Variants in GABRG3 observed in about 807,000 individuals in gnomAD.
GABRG3 encodes gamma-aminobutyric acid receptor subunit gamma-3.
GABRG3 carries 25 observed loss-of-function variants against 48.8 expected under a neutral mutation model. That is an observed-to-expected ratio of 0.51 (90% confidence interval 0.37 to 0.72). The LOEUF (loss-of-function observed/expected upper bound fraction) is 0.72, where lower values mean the gene tolerates loss of function less well. Among genes scored for constraint, GABRG3 ranks in the 30% least tolerant of loss-of-function variants. The pLI, the probability that GABRG3 is intolerant of heterozygous loss-of-function variation, is 0.00. For missense variants in GABRG3, 394 were observed against 577.9 expected (o/e 0.68, Z 3.26); for synonymous variants, 227 against 217.6 (o/e 1.04, Z -0.38).
intron 5 of GABRG3, among the ~76,000 whole-genome samples, chr15:27,399,861 C>G (rs142616214): frequency 0.014 from 2,166 of 152,282 alleles, 25 homozygotes; most frequent in Non-Finnish European, 0.023. Context: ...AAGTTAAATA[C>G]CCGCATTTTA....
chr15:27,311,455 A>G lies in GABRG3; in HGVS notation c.271-15354A>G, dbSNP rs538495985. ...CTAGCCTGTCTCAGAGTGCTGATGC[A>G]CCTGCATCATCTAGCCACCCACAAG... On this transcript the variant is annotated intron_variant, in intron 3 of 9. Coordinates refer to ENST00000615808, the MANE Select transcript of GABRG3 (RefSeq NM_033223.5). 3.3e-5 allele frequency among the ~76,000 whole-genome samples: 5 copies of G among 152,216 alleles called. No homozygotes were observed. The South Asian group carries it at 8.3e-4, about 25-fold the overall frequency.
intron 5 of GABRG3, among the ~76,000 whole-genome samples, chr15:27,413,447 G>A (rs1045461431): frequency 3.3e-5 from 5 of 152,136 alleles, no homozygotes; most frequent in South Asian, 4.1e-4. Context: ...GGGGGAAAAC[G>A]GTATTTTGAA....
chr15:27,289,106 G>T (rs1891714285), intron 3 of GABRG3, among the ~76,000 whole-genome samples: 1 of 151,976 alleles, frequency 6.6e-6, no homozygotes, highest in African/African-American at 2.4e-5. Flanking sequence ...TTTATCTGTG[G>T]TTTTCACCTG....
chr15:27,214,886 G>A (rs887971452), intron 3 of GABRG3, among the ~76,000 whole-genome samples: 2 of 152,040 alleles, frequency 1.3e-5, no homozygotes, highest in Non-Finnish European at 2.9e-5. Flanking sequence ...TCTGTTCTTC[G>A]AAAAACAAAC....
intron 5 of GABRG3, among the ~76,000 whole-genome samples, chr15:27,454,657 T>C (rs1264217118): frequency 2.0e-5 from 3 of 152,192 alleles, no homozygotes; most frequent in Non-Finnish European, 4.4e-5. Context: ...TTTTGTTTTT[T>C]AGCTATCTGG....
intron 3 of GABRG3, among the ~76,000 whole-genome samples, chr15:27,166,836 TC>T (rs1406488037): frequency 6.6e-6 from 1 of 152,216 alleles, no homozygotes; most frequent in Non-Finnish European, 1.5e-5. Flanking sequence ...AGCACTGAGT[TC>T]CTTAGCACGT....
At chr15:27,108,145 T>A (rs985875958) in intron 3 of GABRG3, among the ~76,000 whole-genome samples, 1 of 152,110 alleles carries the variant, frequency 6.6e-6, no homozygotes, top group Non-Finnish European at 1.5e-5. Flanking sequence ...TTCTCTAAAG[T>A]AGGAGCTTAG....
At chr15:27,282,701 A>G (rs1891475802) in intron 3 of GABRG3, among the ~76,000 whole-genome samples, 4 of 152,068 alleles carry the variant, frequency 2.6e-5, no homozygotes, top group Admixed American at 2.6e-4. Flanking sequence ...GATCATTCTA[A>G]TGTCTTGTCA....
chr15:27,060,604 CGTG>C (rs1196256183), intron 3 of GABRG3, among the ~76,000 whole-genome samples: 2 of 152,096 alleles, frequency 1.3e-5, no homozygotes, highest in African/African-American at 4.8e-5. Context: ...CGTTAAGTGG[CGTG>C]GGGATGATGC....
At chr15:27,139,878 G>GAGAC (rs1257719682) in intron 3 of GABRG3, among the ~76,000 whole-genome samples, 1 of 152,170 alleles carries the variant, frequency 6.6e-6, no homozygotes, top group Non-Finnish European at 1.5e-5. Flanking sequence ...GGAGCAGAAA[G>GAGAC]AGACTGAAGA....
intron 3 of GABRG3, among the ~76,000 whole-genome samples, chr15:27,278,212 C>T (rs188668076): frequency 4.6e-5 from 7 of 151,988 alleles, no homozygotes; most frequent in Admixed American, 2.6e-4. Context: ...CCACCATGCC[C>T]GGCTAATTTT....
rs1319870385 is a variant in GABRG3, at chr15:27,535,902, C to A, written c.*3021C>A. The stretch of plus-strand genomic sequence containing the variant: ...GACTCTCTTTGCCAGGATGCCTGAT[C>A]AGGAGGGACGTGTGTGGGCACGAGG... On this transcript the variant is annotated 3_prime_UTR_variant, in exon 10 of 10. Coordinates refer to ENST00000615808, the MANE Select transcript of GABRG3 (RefSeq NM_033223.5). 2.6e-5 allele frequency: 4 copies of A among 152,358 alleles called. No homozygotes were observed. Among genetic ancestry groups the A allele is most frequent in the Non-Finnish European group, 5.9e-5 (4 of 68,072 alleles). The allele number at this position is 152,358 out of a possible 1,614,324, so 9.4% of individuals were successfully genotyped here.
intron 3 of GABRG3, among the ~76,000 whole-genome samples, chr15:27,225,245 C>A (rs1209182982): frequency 1.3e-5 from 2 of 152,080 alleles, no homozygotes; most frequent in Non-Finnish European, 2.9e-5. Context: ...CTTCCCTTGT[C>A]CTTCCCATGA....
intron 3 of GABRG3, among the ~76,000 whole-genome samples, chr15:27,149,292 A>G (rs994296623): frequency 1.3e-5 from 2 of 151,208 alleles, no homozygotes; most frequent in East Asian, 1.9e-4. Flanking sequence ...CAAAATAAGT[A>G]TAAGACTTGT....
At chr15:27,282,841 T>C (rs1891481052) in intron 3 of GABRG3, among the ~76,000 whole-genome samples, 1 of 152,176 alleles carries the variant, frequency 6.6e-6, no homozygotes, top group Non-Finnish European at 1.5e-5. Flanking sequence ...AAACTGGATC[T>C]TCTACCTCAT....
At chr15:27,283,600 C>T (rs142864858) in intron 3 of GABRG3, among the ~76,000 whole-genome samples, 35 of 152,156 alleles carry the variant, frequency 2.3e-4, no homozygotes, top group African/African-American at 4.8e-4. Context: ...AGCAAGACTC[C>T]GTCAAAAAAT....
Position 27,235,474 on chromosome 15 carries a change from C to T in GABRG3, c.271-91335C>T, listed in dbSNP as rs77475473. 7.1e-3 allele frequency among the ~76,000 whole-genome samples: 1,074 copies of T among 151,656 alleles called. 5 individuals are homozygous for T. The highest frequency in any genetic ancestry group is 0.023 in the African/African-American group (950 of 40,976). On this transcript the variant is annotated intron_variant, in intron 3 of 9. Transcript: ENST00000615808. ...TTATGTACTTATCTTTACAAACCGTCGTTCAATTTAGACTTATTTCTTAAA... is the reference window on the plus strand; with the variant it reads ...TTATGTACTTATCTTTACAAACCGTTGTTCAATTTAGACTTATTTCTTAAA...
In GABRG3 at chr15:27,223,330, T is replaced by C. The variant is rs12591221; in HGVS notation, c.271-103479T>C. 6.1e-3 allele frequency among the ~76,000 whole-genome samples: 933 copies of C among 152,290 alleles called. 30 individuals carry two copies. The South Asian group carries it at 0.073, about 12-fold the overall frequency. On this transcript the variant is annotated intron_variant, in intron 3 of 9. Transcript: ENST00000615808. ...CCTTGCATGCTGCACAGAAAGCCAA[T>C]CGCTGAGACAAGTATTGCCAGGGAG... is the stretch of plus-strand genomic sequence containing the variant.
rs367875645 is a variant in GABRG3 at position 27,359,740 on chromosome 15, G to A, written c.574+30852G>A. Among the ~76,000 whole-genome samples the A allele has an allele frequency of 1.2e-3, 184 of 152,300 alleles. 2 individuals are homozygous for A. The highest frequency in any genetic ancestry group is 4.3e-3 in the African/African-American group (179 of 41,570). On this transcript the variant is annotated intron_variant, in intron 5 of 9. Transcript: ENST00000615808. The stretch of plus-strand genomic sequence containing the variant: ...AGGCAAATGGCATGTTGCGGTTTTT[G>A]AACGTTACATAGATATCTTCTATTT...
Sources: allele counts gnomAD v4.1 joint callset (sites outside exome capture counted in the v4.1 genomes callset), GRCh38; gene constraint gnomAD v4.1.1; transcripts MANE v1.5; gene names NCBI Gene and HGNC (gene_info 2026-07-23, HGNC 2026-07-21).